Variants in CPQ observed in about 807,000 individuals in gnomAD.
CPQ encodes the protein carboxypeptidase Q.
A neutral mutation model predicts 45.7 loss-of-function variants in CPQ; 37 were observed. The ratio of observed to expected loss-of-function variants is 0.81; its 90% CI spans 0.62 to 1.07. CPQ has a LOEUF of 1.07. Among genes scored for constraint, CPQ ranks in the 50% least tolerant of loss-of-function variants. The pLI is 0.00. For synonymous variants in CPQ, 186 were observed against 205.8 expected (o/e 0.90, Z 0.82); for missense variants, 537 against 572.9 (o/e 0.94, Z 0.64).
At chr8:96,913,008 C>T (rs1812688456) in intron 4 of CPQ, among the ~76,000 whole-genome samples, 1 of 152,124 alleles carries the variant, frequency 6.6e-6, no homozygotes, top group African/African-American at 2.4e-5. Flanking sequence ...TTCTCCTGCT[C>T]CTCTCCTCCC....
At chr8:96,704,747 A>G (rs1809511189) in intron 1 of CPQ, among the ~76,000 whole-genome samples, 1 of 152,142 alleles carries the variant, frequency 6.6e-6, no homozygotes. Flanking sequence ...CAAACAGGAA[A>G]TCAATCTGTT....
chr8:96,656,043 G>T (rs576401217), intron 1 of CPQ, among the ~76,000 whole-genome samples: 1 of 152,152 alleles, frequency 6.6e-6, no homozygotes, highest in Admixed American at 6.5e-5. Flanking sequence ...TTTGTAGAGA[G>T]GGGTTTCACC....
chr8:96,738,566 T>C (rs200993012), intron 1 of CPQ, among the ~76,000 whole-genome samples: 9 of 152,066 alleles, frequency 5.9e-5, no homozygotes, highest in African/African-American at 1.4e-4. Context: ...CCCACAAACT[T>C]GTCATCTAGC....
chr8:97,088,834 A>G (rs528517709), intron 7 of CPQ, among the ~76,000 whole-genome samples: 1 of 152,328 alleles, frequency 6.6e-6, no homozygotes, highest in East Asian at 1.9e-4. Context: ...AGAACAGCTC[A>G]ATTAAAACTA....
At chr8:96,808,318 G>A (rs1239185555) in intron 2 of CPQ, among the ~76,000 whole-genome samples, 3 of 152,110 alleles carry the variant, frequency 2.0e-5, no homozygotes, top group Non-Finnish European at 2.9e-5. Context: ...TAGTTTAGCT[G>A]CAGCTGCCAG....
At chr8:96,848,755 T>C (rs1811732296) in intron 3 of CPQ, among the ~76,000 whole-genome samples, 1 of 152,204 alleles carries the variant, frequency 6.6e-6, no homozygotes, top group South Asian at 2.1e-4. Flanking sequence ...TTTCAGGACA[T>C]TTTATGTTTT....
intron 1 of CPQ, among the ~76,000 whole-genome samples, chr8:96,768,557 C>A (rs1274627892): frequency 6.6e-6 from 1 of 152,094 alleles, no homozygotes; most frequent in Non-Finnish European, 1.5e-5. Context: ...GAAAATTGTA[C>A]CAGCATATCA....
intron 2 of CPQ, among the ~76,000 whole-genome samples, chr8:96,830,397 A>G (rs1006403168): frequency 1.3e-5 from 2 of 152,120 alleles, no homozygotes; most frequent in African/African-American, 2.4e-5. Context: ...TATAGACTAC[A>G]TGATCCGTGC....
chr8:96,706,639 T>A (rs1809533687), intron 1 of CPQ, among the ~76,000 whole-genome samples: 1 of 152,182 alleles, frequency 6.6e-6, no homozygotes, highest in South Asian at 2.1e-4. Flanking sequence ...AAGTTATGAT[T>A]CATAAGCAGT....
chr8:97,109,049 T>C (rs1362733538), intron 7 of CPQ, among the ~76,000 whole-genome samples: 2 of 152,178 alleles, frequency 1.3e-5, no homozygotes, highest in African/African-American at 4.8e-5. Flanking sequence ...TTTACCTTAG[T>C]TGATCCACAT....
chr8:96,744,399 C>T (rs1221178000), intron 1 of CPQ, among the ~76,000 whole-genome samples: 2 of 152,208 alleles, frequency 1.3e-5, no homozygotes, highest in Non-Finnish European at 1.5e-5. Context: ...TGAGATGAAC[C>T]CGGTACCTGA....
intron 7 of CPQ, among the ~76,000 whole-genome samples, chr8:97,082,748 C>A (rs1810972192): frequency 6.6e-6 from 1 of 152,116 alleles, no homozygotes; most frequent in Admixed American, 6.6e-5. Context: ...AAGCTCCCAG[C>A]AATCTGCATT....
chr8:96,841,269 A>G (rs183091154), intron 3 of CPQ, among the ~76,000 whole-genome samples: 1 of 152,168 alleles, frequency 6.6e-6, no homozygotes, highest in South Asian at 2.1e-4. Flanking sequence ...ACAGTTCAGC[A>G]TTTCCATTTC....
At chr8:96,821,126 A>ATTTTTTTTTTTTTTTTT (rs572906188) in intron 2 of CPQ, among the ~76,000 whole-genome samples, 5 of 60,938 alleles carry the variant, frequency 8.2e-5, no homozygotes, top group Non-Finnish European at 8.9e-5. Context: ...TTTAATCTGA[A>ATTTTTTTTTTTTTTTTT]TTTTTTTTTT....
At chr8:96,767,446 C>T (rs1193752665) in intron 1 of CPQ, among the ~76,000 whole-genome samples, 1 of 151,068 alleles carries the variant, frequency 6.6e-6, no homozygotes, top group African/African-American at 2.4e-5. Flanking sequence ...GAAACCAGTT[C>T]TCCTCTCCTC....
intron 6 of CPQ, among the ~76,000 whole-genome samples, chr8:97,056,970 C>T (rs1250075477): frequency 6.6e-6 from 1 of 152,050 alleles, no homozygotes; most frequent in Non-Finnish European, 1.5e-5. Context: ...ATGTATTAGC[C>T]AGTTATTGCC....
At chr8:96,784,321 G>A (rs1810728848) in intron 1 of CPQ, among the ~76,000 whole-genome samples, 1 of 150,884 alleles carries the variant, frequency 6.6e-6, no homozygotes, top group African/African-American at 2.4e-5. Flanking sequence ...GCATCTAGTG[G>A]CTTCCAATAA....
chr8:96,711,053 A>T (rs189863213), intron 1 of CPQ, among the ~76,000 whole-genome samples: 20 of 152,184 alleles, frequency 1.3e-4, no homozygotes, highest in Non-Finnish European at 1.3e-4. Flanking sequence ...TATATTTAGG[A>T]TTATAATGTC....
At chr8:96,683,854 T>G (rs1809187482) in intron 1 of CPQ, among the ~76,000 whole-genome samples, 1 of 152,116 alleles carries the variant, frequency 6.6e-6, no homozygotes. Context: ...TATTTTTTAT[T>G]TCATTTATTG....
Sources: allele counts gnomAD v4.1 joint callset (sites outside exome capture counted in the v4.1 genomes callset), GRCh38; gene constraint gnomAD v4.1.1; transcripts MANE v1.5; gene names NCBI Gene and HGNC (gene_info 2026-07-23, HGNC 2026-07-21).